Variants in LIMCH1 observed in about 807,000 individuals in gnomAD.
LIMCH1 encodes the protein LIM and calponin homology domains-containing protein 1.
Under a neutral mutation model 176.5 loss-of-function variants are expected in LIMCH1, and 113 were observed. The ratio of observed to expected loss-of-function variants is 0.64; its 90% CI spans 0.55 to 0.75. The LOEUF is 0.75. LIMCH1 is among the 30% of genes least tolerant of loss of function. The pLI, the probability that LIMCH1 is intolerant of heterozygous loss-of-function variation, is 0.00. For synonymous variants in LIMCH1, 619 were observed against 645.9 expected, an observed-to-expected ratio of 0.96 and a Z score of 0.63; for missense variants, 1,674 against 1,814.9, an observed-to-expected ratio of 0.92 and a Z score of 1.41.
chr4:41,644,003 T>C (rs1054672499), intron 14 of LIMCH1, among the ~76,000 whole-genome samples: 4 of 152,198 alleles, frequency 2.6e-5, no homozygotes, highest in African/African-American at 9.7e-5. Flanking sequence ...AGAAATTGCC[T>C]CCATTCACAT....
Position 41,684,509 on chromosome 4 carries a change from C to G in LIMCH1, c.3958C>G (p.Leu1320Val), listed in dbSNP as rs756448368. The change falls in exon 27 of 32, where the codon CTT becomes GTT. Residue 1320 changes from leucine (L) to valine (V), a missense_variant. Leu to Val is a conservative substitution (Grantham distance 32). Transcript: ENST00000503057. ...GAPHCGTNPQ[L>V]AQDPSQNQQT... is the part of the protein sequence containing the mutation. ...CCCACACTGTGGAACAAACCCACAG[C>G]TTGCTCAGGGTAAGAATGGAGAAGA... 1 of 1,613,384 alleles carries G rather than the reference C, an allele frequency of 6.2e-7. No homozygotes were observed. Among genetic ancestry groups the G allele is most frequent in the East Asian group, 2.2e-5 (1 of 44,844 alleles).
At position 41,571,536 on chromosome 4, in the gene LIMCH1, G is replaced by T. The variant is rs149418473; in HGVS notation, c.-240-27384G>T. ...AGGAGGTTGGATTTGTTGTTGAGGGGAATGGGATAAAATTATGGCCTCAGT... is the reference window on the plus strand; with the variant it reads ...AGGAGGTTGGATTTGTTGTTGAGGGTAATGGGATAAAATTATGGCCTCAGT... On this transcript the variant is annotated intron_variant, in intron 1 of 31. Coordinates refer to ENST00000503057, the MANE Select transcript of LIMCH1 (RefSeq NM_001330672.2). 3.3e-5 allele frequency among the ~76,000 whole-genome samples: 5 copies of T among 152,182 alleles called. No homozygotes were observed. The East Asian group carries it at 9.7e-4, about 29-fold the overall frequency.
At chr4:41,361,951 A>C (rs1209551677) in intron 1 of LIMCH1, among the ~76,000 whole-genome samples, 1 of 152,186 alleles carries the variant, frequency 6.6e-6, no homozygotes, top group Non-Finnish European at 1.5e-5. Context: ...CTGGTAGTTC[A>C]GAGGAGGAAG....
At chr4:41,533,482 A>G (rs1237033179), upstream of LIMCH1, among the ~76,000 whole-genome samples, 2 of 152,178 alleles carry the variant, frequency 1.3e-5, no homozygotes, top group African/African-American at 4.8e-5. Context: ...GACTTTAAAG[A>G]TAACACAGTT....
At chr4:41,595,266 A>T (rs1411409617) in intron 1 of LIMCH1, among the ~76,000 whole-genome samples, 1 of 152,182 alleles carries the variant, frequency 6.6e-6, no homozygotes, top group East Asian at 1.9e-4. Context: ...GAAGAACATC[A>T]TAGAGAAAGA....
intron 1 of LIMCH1, among the ~76,000 whole-genome samples, chr4:41,455,103 A>G (rs2064411376): frequency 6.6e-6 from 1 of 152,148 alleles, no homozygotes; most frequent in African/African-American, 2.4e-5. Context: ...TATTATAAAT[A>G]TTTATGTGTA....
In LIMCH1 at chr4:41,631,424, G is replaced by A. The variant is rs751591644; in HGVS notation, c.1548G>A (p.Ala516=). ...TGGACTCTGTGTCTCCTGTCTCAGC[G>A]GCCACTTCCAGCTTAAAGGGCCACC... ...IQMDSVSPVS[A]ATSSLKGHQI... The change falls in exon 10 of 32, where the codon GCG becomes GCA. Residue 516 remains alanine (A), a synonymous_variant. Transcript: ENST00000503057. 2.2e-5 allele frequency: 34 copies of A among 1,530,726 alleles called. No homozygotes were observed. The highest frequency in any genetic ancestry group is 1.4e-4 in the Admixed American group (7 of 49,688). 94.8% of individuals were successfully genotyped at this position (1,530,726 alleles called of 1,614,324 possible). A position where few individuals can be genotyped will look rare whatever the true frequency, so the allele number is the denominator to read the frequency against.
intron 1 of LIMCH1, among the ~76,000 whole-genome samples, chr4:41,446,899 G>A (rs1418626500): frequency 1.3e-5 from 2 of 152,134 alleles, no homozygotes; most frequent in East Asian, 3.9e-4. Context: ...GATCAGTGTC[G>A]TGGAGACATT....
rs751622253 is a variant in LIMCH1, at chr4:41,676,396, A to G, written c.3453A>G (p.Ala1151=). The part of the protein sequence containing the change: ...SPVMTPFKFW[A]WDPEEERRRQ... ...TTTCTAAGCAGTTTAAGTTCTGGGC[A>G]TGGGACCCAGAAGAGGAGCGCAGGC... Residue 1151 remains alanine, a synonymous_variant, in exon 23 of 32, where the codon GCA becomes GCG. Transcript: ENST00000503057. 1.2e-6 allele frequency: 2 copies of G among 1,613,364 alleles called. No homozygotes were observed. Among genetic ancestry groups the G allele is most frequent in the Non-Finnish European group, 1.7e-6 (2 of 1,179,454 alleles).
At chr4:41,402,004 C>G (rs890804238) in intron 1 of LIMCH1, among the ~76,000 whole-genome samples, 5 of 152,154 alleles carry the variant, frequency 3.3e-5, no homozygotes, top group African/African-American at 1.2e-4. Context: ...TTCCTGTTTT[C>G]CTAATTGAAT....
At chr4:41,464,204 A>G (rs2065776657) in intron 1 of LIMCH1, among the ~76,000 whole-genome samples, 1 of 151,390 alleles carries the variant, frequency 6.6e-6, no homozygotes, top group African/African-American at 2.4e-5. Context: ...CTCCTGCTCC[A>G]GTATCCTTCT....
intron 1 of LIMCH1, among the ~76,000 whole-genome samples, chr4:41,577,234 C>G (rs2084646778): frequency 6.6e-6 from 1 of 151,374 alleles, no homozygotes; most frequent in Non-Finnish European, 1.5e-5. Flanking sequence ...TGGCTGGAGA[C>G]CAGAACTAAA....
chr4:41,612,436 C>A (rs938176201), intron 4 of LIMCH1: 1 of 659,336 alleles, frequency 1.5e-6, no homozygotes, highest in Non-Finnish European at 2.7e-6. Flanking sequence ...TGAGAACATG[C>A]CTCTCTGCCA....
At chr4:41,662,703 T>G (rs533660722) in intron 19 of LIMCH1, 118 bp from the exon 20 acceptor site, 1 of 1,058,342 alleles carries the variant, frequency 9.4e-7, no homozygotes, top group East Asian at 2.4e-5. Context: ...TCATTCAGCT[T>G]ATATTGCCAG....
chr4:41,506,780 G>A (rs1370075129), intron 2 of LIMCH1, among the ~76,000 whole-genome samples: 1 of 152,106 alleles, frequency 6.6e-6, no homozygotes, highest in Non-Finnish European at 1.5e-5. Context: ...ATAACACTCT[G>A]GTCACAAAAA....
At chr4:41,458,770 CA>C (rs2064936279) in intron 1 of LIMCH1, among the ~76,000 whole-genome samples, 1 of 103,454 alleles carries the variant, frequency 9.7e-6, no homozygotes. Context: ...GAGACTCTGT[CA>C]CCAAAAAAAA....
intron 28 of LIMCH1, among the ~76,000 whole-genome samples, chr4:41,687,052 A>C (rs1721379769): frequency 6.6e-6 from 1 of 152,188 alleles, no homozygotes; most frequent in Non-Finnish European, 1.5e-5. Context: ...TTTGGGTGGG[A>C]AGCGGGATCA....
intron 20 of LIMCH1, among the ~76,000 whole-genome samples, chr4:41,664,475 T>C (rs1483729864): frequency 6.6e-6 from 1 of 152,230 alleles, no homozygotes; most frequent in African/African-American, 2.4e-5. Flanking sequence ...TCTTCATTTT[T>C]ATAGATAATT....
chr4:41,530,370 G>A (rs893230203), intron 3 of LIMCH1, among the ~76,000 whole-genome samples: 1 of 152,092 alleles, frequency 6.6e-6, no homozygotes, highest in African/African-American at 2.4e-5. Context: ...CTAAGAATTA[G>A]CTCTGGTGTG....
Sources: allele counts gnomAD v4.1 joint callset (sites outside exome capture counted in the v4.1 genomes callset), GRCh38; gene constraint gnomAD v4.1.1; transcripts MANE v1.5; gene names NCBI Gene and HGNC (gene_info 2026-07-23, HGNC 2026-07-21).